Variants in DLEC1 observed in about 807,000 individuals in gnomAD.
DLEC1 encodes deleted in lung and esophageal cancer protein 1.
Under a neutral mutation model 198.1 loss-of-function variants are expected in DLEC1, and 146 were observed. The ratio of observed to expected loss-of-function variants is 0.74; its 90% CI spans 0.64 to 0.85. DLEC1 has a LOEUF of 0.85. Among genes scored for constraint, DLEC1 ranks in the 40% least tolerant of loss-of-function variants. The pLI is 0.00. For synonymous variants in DLEC1, 897 were observed against 866.8 expected (o/e 1.03, Z -0.61); for missense variants, 2,233 against 2,220.0 (o/e 1.01, Z -0.12).
At chr3:38,095,819 C>T (rs554781918) in intron 13 of DLEC1, 69 bp from the exon 14 acceptor site, 1 of 1,593,920 alleles carries the variant, frequency 6.3e-7, no homozygotes, top group South Asian at 1.1e-5. Flanking sequence ...TCCTGCCATG[C>T]CCCAGCCTTC....
chr3:38,087,260 C>T (rs1025497708), intron 9 of DLEC1, among the ~76,000 whole-genome samples: 1 of 151,950 alleles, frequency 6.6e-6, no homozygotes, highest in African/African-American at 2.4e-5. Flanking sequence ...AGCACTGACA[C>T]CATCCATCAG....
intron 19 of DLEC1, among the ~76,000 whole-genome samples, chr3:38,107,313 C>T (rs772509597): frequency 1.3e-5 from 2 of 152,128 alleles, no homozygotes; most frequent in Non-Finnish European, 2.9e-5. Flanking sequence ...TTCTCTTACA[C>T]CCGAGATTTC....
At chr3:38,074,862 G>A (rs373924975) in intron 6 of DLEC1, among the ~76,000 whole-genome samples, 24 of 152,304 alleles carry the variant, frequency 1.6e-4, no homozygotes, top group Middle Eastern at 3.4e-3. Flanking sequence ...GAGCCTAAAC[G>A]CTGACTGATT....
At position 38,121,782 on chromosome 3, in the gene DLEC1, G is replaced by T; in HGVS notation, c.5020+1G>T. ...CGAAGCTACTGGACTATGCTGATGG[G>T]TATGTCCTACCCTGCCACCTACCCA... On this transcript the variant is annotated splice_donor_variant, in intron 35 of 36. Coordinates refer to ENST00000308059, the MANE Select transcript of DLEC1 (RefSeq NM_007335.4). LOFTEE classifies it high-confidence loss of function. 6.2e-7 allele frequency: 1 copy of T among 1,613,858 alleles called. No individual in the cohort carries two copies.
chr3:38,097,814 A>G lies in DLEC1; in HGVS notation c.2636A>G (p.Asn879Ser). 10 of 1,613,832 alleles carry G rather than the reference A, an allele frequency of 6.2e-6. No individual in the cohort carries two copies. The highest frequency in any genetic ancestry group is 8.5e-6 in the Non-Finnish European group (10 of 1,179,942). ...GLLRLGQKAT[N>S]SIQIRNVSQL... Reference sequence around the variant, plus strand: ...CTCCGCCTGGGGCAGAAAGCCACAAACTCCATCCAGATCCGGAACGTCAGC... The same window carrying G: ...CTCCGCCTGGGGCAGAAAGCCACAAGCTCCATCCAGATCCGGAACGTCAGC... Residue 879 changes from asparagine (N) to serine (S), a missense_variant, in exon 18 of 37, where the codon AAC (asparagine) becomes AGC (serine). Transcript: ENST00000308059.
intron 2 of DLEC1, among the ~76,000 whole-genome samples, chr3:38,053,260 G>A (rs1701222836): frequency 1.3e-5 from 2 of 152,006 alleles, no homozygotes; most frequent in Admixed American, 6.5e-5. Context: ...CATCGTCTGG[G>A]ATGTGAGGAG....
intron 26 of DLEC1, 138 bp downstream of exon 26, chr3:38,114,598 G>A (rs1700054121): frequency 2.4e-6 from 2 of 849,584 alleles, no homozygotes; most frequent in Non-Finnish European, 3.7e-6. Flanking sequence ...AAGGTTCCAG[G>A]CCAGGGTTTC....
chr3:38,117,625 C>T lies in DLEC1; in HGVS notation c.4485+14C>T. On this transcript the variant is annotated intron_variant, in intron 32 of 36. Coordinates refer to ENST00000308059, the MANE Select transcript of DLEC1 (RefSeq NM_007335.4). ...CCCTGCTCTGGGGTGAGTGTGCTGC[C>T]ACCCTCTGGCCCTGCCAGCTTACCT... 1 of 1,614,034 alleles carries T rather than the reference C, an allele frequency of 6.2e-7. No homozygotes were observed. The highest frequency in any genetic ancestry group is 8.5e-7 in the Non-Finnish European group (1 of 1,179,932).
chr3:38,053,518 C>T lies in DLEC1; in HGVS notation c.563-6224C>T, dbSNP rs556192695. ...GTGAGGAGCCCCTCCGCCCGGCAGC[C>T]GCCCCGTCTGGGAAGTGAGGAGCGT... On this transcript the variant is annotated intron_variant, in intron 2 of 36. Coordinates refer to ENST00000308059, the MANE Select transcript of DLEC1 (RefSeq NM_007335.4). Among the ~76,000 whole-genome samples, 12 of 133,124 alleles carry T rather than the reference C, an allele frequency of 9.0e-5. No homozygotes were observed. In the East Asian group the frequency reaches 2.6e-3, roughly 28 times the overall value. 87.3% of individuals were successfully genotyped at this position (133,124 alleles called of 152,430 possible).
chr3:38,059,277 A>G (rs2125605897), intron 2 of DLEC1, among the ~76,000 whole-genome samples: 1 of 152,356 alleles, frequency 6.6e-6, no homozygotes, highest in East Asian at 1.9e-4. Flanking sequence ...AATAATGGCA[A>G]AGCCACAAGA....
chr3:38,073,108 G>T (rs924671857), intron 6 of DLEC1, among the ~76,000 whole-genome samples: 13 of 152,204 alleles, frequency 8.5e-5, no homozygotes, highest in Non-Finnish European at 1.3e-4. Context: ...GCAAAGAGAG[G>T]CTGGGATGAG....
At chr3:38,105,029 T>C (rs1575211202) in intron 19 of DLEC1, among the ~76,000 whole-genome samples, 1 of 152,202 alleles carries the variant, frequency 6.6e-6, no homozygotes. Context: ...AAAAGTATTT[T>C]CTAATTTTTC....
intron 10 of DLEC1, among the ~76,000 whole-genome samples, chr3:38,091,472 A>G (rs1025135613): frequency 6.6e-5 from 10 of 152,136 alleles, no homozygotes; most frequent in African/African-American, 2.4e-4. Flanking sequence ...TCAAAAAGCA[A>G]AACAAACAAA....
At chr3:38,085,251 C>G (rs1460263441) in intron 7 of DLEC1, 23 bp from the exon 8 acceptor site, 4 of 1,614,002 alleles carry the variant, frequency 2.5e-6, no homozygotes, top group Non-Finnish European at 3.4e-6. Flanking sequence ...AGGATCCTCA[C>G]TTGTCACTTT....
At chr3:38,118,091 T>C (rs2125747236) in intron 33 of DLEC1, 67 bp downstream of exon 33, 1 of 1,508,948 alleles carries the variant, frequency 6.6e-7, no homozygotes, top group East Asian at 2.5e-5. Context: ...ACAGCACCCC[T>C]GCACGCCACC....
chr3:38,103,974 T>G (rs1468344739), intron 19 of DLEC1, among the ~76,000 whole-genome samples: 1 of 152,188 alleles, frequency 6.6e-6, no homozygotes, highest in Non-Finnish European at 1.5e-5. Flanking sequence ...CAAAAAAGTT[T>G]GCAAGACATG....
intron 10 of DLEC1, among the ~76,000 whole-genome samples, chr3:38,089,147 G>A (rs1487419992): frequency 3.9e-5 from 6 of 152,224 alleles, no homozygotes; most frequent in Admixed American, 3.9e-4. Flanking sequence ...TGGCTTCTGG[G>A]GGTGGATTTG....
intron 6 of DLEC1, among the ~76,000 whole-genome samples, chr3:38,075,866 C>G (rs1291162056): frequency 2.0e-5 from 3 of 151,210 alleles, no homozygotes; most frequent in African/African-American, 4.9e-5. Flanking sequence ...GGTAGAGACT[C>G]AGAGAGAAGG....
Position 38,110,178 on chromosome 3 carries a change from C to T in DLEC1, c.3340C>T (p.Arg1114Cys), listed in dbSNP as rs191665258. 2.4e-4 allele frequency: 385 copies of T among 1,614,204 alleles called. No homozygotes were observed. In the East Asian group the frequency reaches 5.7e-3, roughly 24 times the overall value. Residue 1114 changes from arginine to cysteine, a missense_variant, in exon 23 of 37, where the codon CGC becomes TGC. By Grantham distance (180) the Arg-to-Cys change is radical. Transcript: ENST00000308059. ...GGTGCCACTGAGGACCCGTGTGACT[C>T]GCCAGCTCATTCTCACCAATCGCTC... ...SAVPLRTRVT[R>C]QLILTNRSPI...
Sources: allele counts gnomAD v4.1 joint callset (sites outside exome capture counted in the v4.1 genomes callset), GRCh38; gene constraint gnomAD v4.1.1; transcripts MANE v1.5; gene names NCBI Gene and HGNC (gene_info 2026-07-23, HGNC 2026-07-21).